Variants in TTBK2 observed in about 807,000 individuals in gnomAD.
TTBK2 encodes the protein tau-tubulin kinase 2.
In TTBK2, 28 loss-of-function variants were observed where a neutral mutation model predicts 110.8. That is an observed-to-expected ratio of 0.25 (90% CI 0.19 to 0.35). TTBK2 has a LOEUF of 0.35. Ranked by LOEUF, TTBK2 falls within the 10% of genes least tolerant of loss-of-function variation. The pLI is 1.00. For missense variants in TTBK2, 1,369 were observed against 1,500.3 expected, an observed-to-expected ratio of 0.91 and a Z score of 1.45; for synonymous variants, 532 against 527.3, an observed-to-expected ratio of 1.01 and a Z score of -0.12.
intron 9 of TTBK2, chr15:42,800,297 A>T (rs1162560309): frequency 1.8e-5 from 8 of 439,860 alleles, no homozygotes; most frequent in Non-Finnish European, 2.2e-5. Flanking sequence ...CAGCCTACAT[A>T]GATGCTTGGT....
At chr15:42,848,749 C>T (rs541602113) in intron 3 of TTBK2, among the ~76,000 whole-genome samples, 57 of 152,350 alleles carry the variant, frequency 3.7e-4, no homozygotes, top group African/African-American at 1.3e-3. Context: ...CTAAGCCTCC[C>T]AAAGTGCTGG....
intron 11 of TTBK2, among the ~76,000 whole-genome samples, chr15:42,781,553 C>G (rs1277367343): frequency 1.3e-5 from 2 of 152,002 alleles, no homozygotes; most frequent in Non-Finnish European, 2.9e-5. Flanking sequence ...AGCTACCTCC[C>G]CAACATTTTG....
At chr15:42,784,906 G>A (rs2140817517) in intron 10 of TTBK2, among the ~76,000 whole-genome samples, 1 of 152,258 alleles carries the variant, frequency 6.6e-6, no homozygotes, top group Admixed American at 6.5e-5. Flanking sequence ...CAGCAGCTGG[G>A]CTTGTAAGAA....
rs150006316 is a variant in TTBK2 at position 42,851,567 on chromosome 15, T to C, written c.218-11134A>G. 2.7e-3 allele frequency among the ~76,000 whole-genome samples: 412 copies of C among 152,224 alleles called. 2 individuals are homozygous for C. Among genetic ancestry groups the C allele is most frequent in the African/African-American group, 9.7e-3 (401 of 41,520 alleles). On this transcript the variant is annotated intron_variant, in intron 3 of 14. Transcript: ENST00000267890. ...ACAGTGAGTTGCAGAACAGCATATA[T>C]AGTTTGATTCCATATGTTGTTGTGG... is the stretch of plus-strand genomic sequence containing the variant.
At chr15:42,864,017 C>G (rs987552630) in intron 3 of TTBK2, among the ~76,000 whole-genome samples, 2 of 152,134 alleles carry the variant, frequency 1.3e-5, no homozygotes, top group African/African-American at 2.4e-5. Flanking sequence ...TGACATTGGC[C>G]TTGGCAAAGG....
At chr15:42,835,635 A>C (rs1892955183) in intron 4 of TTBK2, among the ~76,000 whole-genome samples, 1 of 152,178 alleles carries the variant, frequency 6.6e-6, no homozygotes, top group Non-Finnish European at 1.5e-5. Flanking sequence ...AATGTAAAAA[A>C]AAAAATATTT....
chr15:42,877,570 T>G (rs1406467352), intron 2 of TTBK2, among the ~76,000 whole-genome samples: 1 of 152,190 alleles, frequency 6.6e-6, no homozygotes, highest in African/African-American at 2.4e-5. Flanking sequence ...CAGGTTTTAT[T>G]TGGATCTTGA....
chr15:42,810,976 C>T (rs367969721), intron 8 of TTBK2, among the ~76,000 whole-genome samples: 5 of 152,044 alleles, frequency 3.3e-5, no homozygotes, highest in South Asian at 2.1e-4. Flanking sequence ...ATCGATAGTC[C>T]CCAGAAAAAA....
chr15:42,917,394 T>C (rs899006664), intron 1 of TTBK2, among the ~76,000 whole-genome samples: 3 of 152,108 alleles, frequency 2.0e-5, no homozygotes, highest in Admixed American at 6.5e-5. Flanking sequence ...TCTAGCAAAA[T>C]TGACATTCAT....
intron 13 of TTBK2, among the ~76,000 whole-genome samples, chr15:42,772,890 G>T (rs191544354): frequency 6.6e-6 from 1 of 152,238 alleles, no homozygotes; most frequent in African/African-American, 2.4e-5. Flanking sequence ...AGACCAGTCT[G>T]GGCAACATGG....
intron 13 of TTBK2, among the ~76,000 whole-genome samples, chr15:42,763,153 T>TACAC (rs1312779081): frequency 2.1e-4 from 12 of 56,826 alleles, no homozygotes; most frequent in African/African-American, 6.2e-4. Flanking sequence ...CATATATATA[T>TACAC]ATACATATAT....
rs2061787129 is a variant in TTBK2 at position 42,745,931 on chromosome 15, G to A, written c.3599C>T (p.Ser1200Phe). ...ATGCTCCTGTTGGCAGGACCTCCTG[G>A]AGGAGGAAGATCCTGAGTGGCTGGG... is the stretch of plus-strand genomic sequence containing the variant. ...SPPSHSGSSS[S>F]RRSCQQEHCK... The change falls in exon 15 of 15, where the codon TCC (serine) becomes TTC (phenylalanine). Residue 1200 changes from serine to phenylalanine, a missense_variant. This residue lies in a region of TTBK2 where 1,097 missense variants were observed against 1,114.7 expected (regional missense o/e 0.98). Coordinates refer to ENST00000267890, the MANE Select transcript of TTBK2 (RefSeq NM_173500.4). The A allele has an allele frequency of 6.2e-7, 1 of 1,614,020 alleles. No homozygotes were observed. The highest frequency in any genetic ancestry group is 1.3e-5 in the African/African-American group (1 of 74,904).
rs117744570 is a variant in TTBK2, at chr15:42,910,611, G to A, written c.-68+9827C>T. On this transcript the variant is annotated intron_variant, in intron 1 of 14. Transcript: ENST00000267890. ...AGGGAAGAGAAAAAAGAAGCATAAT[G>A]CATAGCTTTGCCCTCAATGAGTTAA... 7.9e-4 allele frequency among the ~76,000 whole-genome samples: 121 copies of A among 152,240 alleles called. 2 individuals are homozygous for A. The East Asian group carries it at 0.022, about 28-fold the overall frequency.
chr15:42,807,799 A>G (rs1227400353), intron 9 of TTBK2, among the ~76,000 whole-genome samples: 2 of 152,202 alleles, frequency 1.3e-5, no homozygotes, highest in African/African-American at 4.8e-5. Context: ...TTATAGGAAC[A>G]TATCTGCTTT....
chr15:42,785,560 GA>G (rs905917426), intron 10 of TTBK2, among the ~76,000 whole-genome samples: 19 of 152,004 alleles, frequency 1.2e-4, no homozygotes, highest in African/African-American at 4.1e-4. Context: ...TGACCTGGGG[GA>G]AAAAATAGCA....
At chr15:42,818,183 C>T (rs1595945277) in intron 6 of TTBK2, among the ~76,000 whole-genome samples, 1 of 152,288 alleles carries the variant, frequency 6.6e-6, no homozygotes, top group South Asian at 2.1e-4. Flanking sequence ...TCAAGTGATC[C>T]TCCTGCCTCA....
chr15:42,772,104 T>C (rs1889703856), intron 13 of TTBK2, among the ~76,000 whole-genome samples: 1 of 152,086 alleles, frequency 6.6e-6, no homozygotes, highest in African/African-American at 2.4e-5. Flanking sequence ...TAGACCCTCA[T>C]ATATTGTACA....
intron 8 of TTBK2, among the ~76,000 whole-genome samples, chr15:42,811,464 A>C (rs1891717792): frequency 6.6e-6 from 1 of 152,232 alleles, no homozygotes; most frequent in Non-Finnish European, 1.5e-5. Context: ...GCTATAAATT[A>C]ATCAGAAGCA....
At chr15:42,811,365 CAATAT>C (rs1016449305) in intron 8 of TTBK2, among the ~76,000 whole-genome samples, 23 of 152,094 alleles carry the variant, frequency 1.5e-4, no homozygotes, top group African/African-American at 5.3e-4. Context: ...CTAAATCAAA[CAATAT>C]AATATGACAA....
Sources: gnomAD v4.1 joint callset for allele counts (sites outside exome capture counted in the v4.1 genomes callset) on GRCh38, gnomAD v4.1.1 for gene constraint, gnomAD v4.1.1 regional missense constraint, MANE v1.5 for transcripts, NCBI Gene and HGNC (gene_info 2026-07-23, HGNC 2026-07-21) for gene names.